IL19: variants seen among roughly 807,000 people sequenced by gnomAD.
IL19 encodes interleukin 19.
IL19 carries 15 observed loss-of-function variants against 19.5 expected under a neutral mutation model. That is an observed-to-expected ratio of 0.77 (90% CI 0.52 to 1.19). The LOEUF is 1.19. Ranked by LOEUF, IL19 falls within the 50% of genes most tolerant of loss-of-function variation. The pLI is 0.00. For missense variants in IL19, 199 were observed against 213.1 expected (o/e 0.93, Z 0.41); for synonymous variants, 78 against 78.3 (o/e 1.00, Z 0.02).
chr1:206,834,688 A>G (rs551155069), intron 2 of IL19, among the ~76,000 whole-genome samples: 43 of 152,358 alleles, frequency 2.8e-4, no homozygotes, highest in Admixed American at 6.5e-4. Context: ...TGTGTTGGGC[A>G]CTTTATAATG....
chr1:206,840,859 C>T (rs1572578139), intron 5 of IL19, 145 bp from the exon 6 acceptor site: 3 of 678,084 alleles, frequency 4.4e-6, no homozygotes, highest in East Asian at 2.7e-5. Context: ...CTCTATTCTT[C>T]CGTGGCTGCT....
chr1:206,808,505 G>A (rs964597153), intron 2 of IL19, among the ~76,000 whole-genome samples: 66 of 73,118 alleles, frequency 9.0e-4, no homozygotes, highest in Non-Finnish European at 1.3e-3. Flanking sequence ...GTGTGCGTGT[G>A]TGTGTGTGTG....
intron 2 of IL19, among the ~76,000 whole-genome samples, chr1:206,799,380 G>A (rs896209204): frequency 2.0e-5 from 3 of 152,152 alleles, no homozygotes; most frequent in African/African-American, 7.2e-5. Context: ...AGCAAAAAGG[G>A]GGAATTTACT....
chr1:206,799,758 G>A (rs769374067), intron 2 of IL19, among the ~76,000 whole-genome samples: 12 of 152,224 alleles, frequency 7.9e-5, no homozygotes, highest in Non-Finnish European at 1.6e-4. Context: ...ATGGCTGCCT[G>A]TGGACCAAGG....
chr1:206,840,388 G>T, intron 5 of IL19: 1 of 330,200 alleles, frequency 3.0e-6, no homozygotes, highest in Non-Finnish European at 5.9e-6. Context: ...TATCCCTAAA[G>T]GTTACTTAGA....
At chr1:206,825,466 C>G (rs1309586875) in intron 2 of IL19, among the ~76,000 whole-genome samples, 1 of 152,232 alleles carries the variant, frequency 6.6e-6, no homozygotes, top group Non-Finnish European at 1.5e-5. Context: ...TCTGATACCA[C>G]ATTTTGTTTA....
Position 206,775,216 on chromosome 1 carries a change from A to AT in IL19, c.-149+4147dup, listed in dbSNP as rs919307796. 2.0e-3 allele frequency among the ~76,000 whole-genome samples: 294 copies of AT among 149,522 alleles called. 1 individual carries two copies. The highest frequency in any genetic ancestry group is 2.8e-3 in the African/African-American group (112 of 40,644). ...GCACCACGCCCGGCTAAGTTTTTTTATTTTTTTTTGTATTTTTATTAGAGA... is the reference window on the plus strand; with the variant it reads ...GCACCACGCCCGGCTAAGTTTTTTTATTTTTTTTTTGTATTTTTATTAGAGA... On this transcript the variant is annotated intron_variant, in intron 1 of 6. Coordinates refer to ENST00000659997, the MANE Select transcript of IL19 (RefSeq NM_153758.5).
chr1:206,833,807 G>C, intron 2 of IL19: 1 of 985,564 alleles, frequency 1.0e-6, no homozygotes, highest in Non-Finnish European at 1.2e-6. Flanking sequence ...AGAAATCCTT[G>C]CTTTATGAGG....
In IL19 at chr1:206,770,783, C is replaced by A; in HGVS notation, c.-444C>A. The A allele has an allele frequency of 1.0e-6, 1 of 981,978 alleles. No individual in the cohort carries two copies. Among genetic ancestry groups the A allele is most frequent in the South Asian group, 1.3e-5 (1 of 76,956 alleles). The allele number at this position is 981,978 out of a possible 1,614,324, so 60.8% of individuals were successfully genotyped here. ...AGATCTGACTCCAGGAGTCTTTCCT[C>A]ATTTACAGCTAGCTCTGCCAGTCTG... On this transcript the variant is annotated 5_prime_UTR_variant, in exon 1 of 7. Transcript: ENST00000659997.
intron 6 of IL19, among the ~76,000 whole-genome samples, chr1:206,841,670 G>A: frequency 6.6e-6 from 1 of 152,356 alleles, no homozygotes; most frequent in East Asian, 1.9e-4. Context: ...GCTTTGAAGA[G>A]CAAGAGTTAG....
At chr1:206,813,090 T>A (rs957921979) in intron 2 of IL19, among the ~76,000 whole-genome samples, 2 of 152,170 alleles carry the variant, frequency 1.3e-5, no homozygotes, top group Non-Finnish European at 2.9e-5. Context: ...TGTGGAGCAG[T>A]GTAATGGATG....
At chr1:206,809,722 C>T (rs1219888199) in intron 2 of IL19, among the ~76,000 whole-genome samples, 1 of 152,184 alleles carries the variant, frequency 6.6e-6, no homozygotes, top group African/African-American at 2.4e-5. Context: ...ATGAGACCTG[C>T]TTCAAACAAG....
At chr1:206,833,902 C>T in intron 2 of IL19, 2 of 985,556 alleles carry the variant, frequency 2.0e-6, no homozygotes, top group Non-Finnish European at 2.4e-6. Context: ...ACACTCATAG[C>T]TGCCTAAGGC....
chr1:206,816,942 T>G (rs1676172687), intron 2 of IL19, among the ~76,000 whole-genome samples: 1 of 152,124 alleles, frequency 6.6e-6, no homozygotes, highest in Non-Finnish European at 1.5e-5. Flanking sequence ...AAGAAACAAC[T>G]TGCTGAAAAG....
intron 2 of IL19, among the ~76,000 whole-genome samples, chr1:206,830,787 T>C (rs927367502): frequency 1.6e-4 from 25 of 152,198 alleles, no homozygotes; most frequent in African/African-American, 3.9e-4. Flanking sequence ...CCACATTGGC[T>C]AGGATGGTCT....
In IL19 at chr1:206,770,962, T is replaced by C. The variant is rs1307541646; in HGVS notation, c.-265T>C. The stretch of plus-strand genomic sequence containing the variant: ...CAGGTTCTCCCCCAGGGAGTTCACA[T>C]GCGCCTTGATGTCTGGGTCTTGGTT... On this transcript the variant is annotated 5_prime_UTR_variant, in exon 1 of 7. An upstream start codon of the reference 5' UTR is lost. Transcript: ENST00000659997. 1 of 1,614,176 alleles carries C rather than the reference T, an allele frequency of 6.2e-7. No homozygotes were observed. Among genetic ancestry groups the C allele is most frequent in the Non-Finnish European group, 8.5e-7 (1 of 1,180,006 alleles).
At chr1:206,790,534 T>C (rs1675374524) in intron 1 of IL19, among the ~76,000 whole-genome samples, 1 of 152,214 alleles carries the variant, frequency 6.6e-6, no homozygotes, top group Non-Finnish European at 1.5e-5. Context: ...AGTCTCAGTA[T>C]GGTTCATCGG....
At chr1:206,804,726 T>C (rs1457881853) in intron 2 of IL19, among the ~76,000 whole-genome samples, 2 of 152,228 alleles carry the variant, frequency 1.3e-5, no homozygotes, top group African/African-American at 2.4e-5. Flanking sequence ...TCAGCCTGTT[T>C]CCTCAACTGC....
intron 2 of IL19, among the ~76,000 whole-genome samples, chr1:206,828,038 G>T (rs542212517): frequency 1.2e-3 from 39 of 33,182 alleles, no homozygotes; most frequent in African/African-American, 3.5e-3. Context: ...GTACTTGTTA[G>T]TTATTAGTGT....
Sources: allele counts gnomAD v4.1 joint callset (sites outside exome capture counted in the v4.1 genomes callset), GRCh38; gene constraint gnomAD v4.1.1; transcripts MANE v1.5; gene names NCBI Gene and HGNC (gene_info 2026-07-23, HGNC 2026-07-21).